FOXO1: variants seen among roughly 807,000 people sequenced by gnomAD.
FOXO1 encodes forkhead box protein O1.
Under a neutral mutation model 44.1 loss-of-function variants are expected in FOXO1, and 6 were observed. That is an observed-to-expected ratio of 0.14 (90% CI 0.07 to 0.27). The LOEUF (loss-of-function observed/expected upper bound fraction) is 0.27, where lower values mean the gene tolerates loss of function less well. Ranked by LOEUF, FOXO1 falls within the 10% of genes least tolerant of loss-of-function variation. The probability of loss-of-function intolerance (pLI) is 1.00; values close to 1 mark genes in which losing one functional copy is unlikely to be tolerated. For synonymous variants in FOXO1, 380 were observed against 362.7 expected (o/e 1.05, Z -0.54); for missense variants, 737 against 888.8 (o/e 0.83, Z 2.17).
At chr13:40,565,124 C>CA (rs1033623898) in intron 1 of FOXO1, among the ~76,000 whole-genome samples, 3 of 152,084 alleles carry the variant, frequency 2.0e-5, no homozygotes, top group Non-Finnish European at 2.9e-5. Flanking sequence ...GCTTGACCCC[C>CA]AAAAAAATTA....
At chr13:40,616,088 A>G (rs1876413908) in intron 1 of FOXO1, among the ~76,000 whole-genome samples, 1 of 152,214 alleles carries the variant, frequency 6.6e-6, no homozygotes, top group African/African-American at 2.4e-5. Flanking sequence ...GAACCTGGAT[A>G]TATTTTGAAG....
At chr13:40,643,410 A>T (rs192730072) in intron 1 of FOXO1, among the ~76,000 whole-genome samples, 5 of 152,136 alleles carry the variant, frequency 3.3e-5, no homozygotes, top group African/African-American at 9.7e-5. Context: ...ATACACTCCA[A>T]ATACAACCCA....
At chr13:40,585,781 G>A (rs764505988) in intron 1 of FOXO1, among the ~76,000 whole-genome samples, 10 of 152,158 alleles carry the variant, frequency 6.6e-5, no homozygotes, top group Admixed American at 1.3e-4. Context: ...AAAGCTAAAC[G>A]ACAAGATGTC....
At chr13:40,601,778 G>T (rs1220876190) in intron 1 of FOXO1, among the ~76,000 whole-genome samples, 1 of 152,006 alleles carries the variant, frequency 6.6e-6, no homozygotes, top group Non-Finnish European at 1.5e-5. Context: ...AAGCATCTTT[G>T]TACTAGTACT....
chr13:40,643,996 A>AC (rs1426597471), intron 1 of FOXO1, among the ~76,000 whole-genome samples: 1 of 152,178 alleles, frequency 6.6e-6, no homozygotes, highest in Non-Finnish European at 1.5e-5. Flanking sequence ...AACTCCTAAT[A>AC]TTTACTGCAA....
intron 1 of FOXO1, among the ~76,000 whole-genome samples, chr13:40,623,940 T>A (rs1876701964): frequency 6.8e-6 from 1 of 146,848 alleles, no homozygotes; most frequent in Admixed American, 6.8e-5. Context: ...AAAAAAAAAT[T>A]TTTTTTTTTT....
At chr13:40,579,966 C>A (rs1874898128) in intron 1 of FOXO1, among the ~76,000 whole-genome samples, 1 of 152,200 alleles carries the variant, frequency 6.6e-6, no homozygotes, top group Non-Finnish European at 1.5e-5. Context: ...ACCAATTATA[C>A]GAGCTCTGTA....
intron 1 of FOXO1, among the ~76,000 whole-genome samples, chr13:40,653,573 C>A (rs1231114057): frequency 6.6e-6 from 1 of 152,230 alleles, no homozygotes; most frequent in African/African-American, 2.4e-5. Flanking sequence ...AAATCTTTAT[C>A]TTCCCACATA....
At chr13:40,635,283 T>C in intron 1 of FOXO1, among the ~76,000 whole-genome samples, 1 of 152,168 alleles carries the variant, frequency 6.6e-6, no homozygotes, top group East Asian at 1.9e-4. Flanking sequence ...TTAAGATAAA[T>C]TTTTTGCTAT....
intron 1 of FOXO1, among the ~76,000 whole-genome samples, chr13:40,624,192 T>C (rs1020535979): frequency 6.6e-6 from 1 of 151,700 alleles, no homozygotes; most frequent in African/African-American, 2.4e-5. Flanking sequence ...AAAGGAGATA[T>C]GTGGCCTAAT....
chr13:40,592,144 T>C (rs560037393), intron 1 of FOXO1, among the ~76,000 whole-genome samples: 4 of 152,178 alleles, frequency 2.6e-5, no homozygotes, highest in Non-Finnish European at 5.9e-5. Flanking sequence ...AACCTGTATA[T>C]TACCTATGCA....
In FOXO1 at chr13:40,619,631, G is replaced by T; in HGVS notation, c.630+45952C>A. 7 of 1,544,318 alleles carry T rather than the reference G, an allele frequency of 4.5e-6. No homozygotes were observed. The South Asian group carries it at 7.8e-5, about 17-fold the overall frequency. ...AGGTCATCTAGTCCTGTGGCTAGGCGAACAAGAAGCCAAACCTCAGTGAAT... is the reference window on the plus strand; with the variant it reads ...AGGTCATCTAGTCCTGTGGCTAGGCTAACAAGAAGCCAAACCTCAGTGAAT... On this transcript the variant is annotated intron_variant, in intron 1 of 2. Coordinates refer to ENST00000379561, the MANE Select transcript of FOXO1 (RefSeq NM_002015.4).
At chr13:40,624,615 T>C (rs989297250) in intron 1 of FOXO1, among the ~76,000 whole-genome samples, 4 of 152,156 alleles carry the variant, frequency 2.6e-5, no homozygotes, top group Admixed American at 6.5e-5. Context: ...CCAGGCAACT[T>C]GGCGGGGGGA....
intron 1 of FOXO1, among the ~76,000 whole-genome samples, chr13:40,642,792 C>A (rs541776375): frequency 3.3e-5 from 5 of 151,854 alleles, no homozygotes; most frequent in Admixed American, 6.6e-5. Flanking sequence ...TGGTGGCGTG[C>A]ACCTGTGTCC....
intron 1 of FOXO1, among the ~76,000 whole-genome samples, chr13:40,623,322 G>T (rs1270157985): frequency 6.6e-6 from 1 of 152,024 alleles, no homozygotes; most frequent in Non-Finnish European, 1.5e-5. Context: ...TATTACTGTT[G>T]CTGACTATTA....
intron 1 of FOXO1, among the ~76,000 whole-genome samples, chr13:40,625,503 G>A (rs1255082065): frequency 6.6e-6 from 1 of 152,096 alleles, no homozygotes; most frequent in Admixed American, 6.6e-5. Context: ...CAGAAAATTC[G>A]TATGTGGCCC....
intron 1 of FOXO1, among the ~76,000 whole-genome samples, chr13:40,561,228 T>C (rs1410828730): frequency 6.6e-6 from 1 of 151,774 alleles, no homozygotes; most frequent in Non-Finnish European, 1.5e-5. Context: ...GGTGCAAACC[T>C]GTAGTCCCAG....
At chr13:40,592,229 A>G (rs1875401673) in intron 1 of FOXO1, among the ~76,000 whole-genome samples, 2 of 152,122 alleles carry the variant, frequency 1.3e-5, no homozygotes, top group African/African-American at 2.4e-5. Flanking sequence ...CTGATCTCCA[A>G]TCTCCAGCAC....
At chr13:40,576,936 A>G (rs1461678007) in intron 1 of FOXO1, among the ~76,000 whole-genome samples, 1 of 152,226 alleles carries the variant, frequency 6.6e-6, no homozygotes. Context: ...AGGCTCAACT[A>G]TAACATCTTT....
Sources: allele counts gnomAD v4.1 joint callset (sites outside exome capture counted in the v4.1 genomes callset), GRCh38; gene constraint gnomAD v4.1.1; transcripts MANE v1.5; gene names NCBI Gene and HGNC (gene_info 2026-07-23, HGNC 2026-07-21).